Variants in ASRGL1 observed in about 807,000 individuals in gnomAD.
ASRGL1 encodes the protein isoaspartyl peptidase/L-asparaginase.
Under a neutral mutation model 22.4 loss-of-function variants are expected in ASRGL1, and 16 were observed. The ratio of observed to expected loss-of-function variants is 0.71; its 90% CI spans 0.48 to 1.08. ASRGL1 has a LOEUF of 1.08. Ranked by LOEUF, ASRGL1 falls within the 50% of genes least tolerant of loss-of-function variation. ASRGL1 has a pLI of 0.00. For synonymous variants in ASRGL1, 165 were observed against 159.3 expected (o/e 1.04, Z -0.27); for missense variants, 412 against 410.1 (o/e 1.00, Z -0.04).
chr11:62,348,807 G>A (rs1946098036), intron 2 of ASRGL1, among the ~76,000 whole-genome samples: 1 of 152,158 alleles, frequency 6.6e-6, no homozygotes, highest in African/African-American at 2.4e-5. Context: ...TCCAGGTGGA[G>A]CCATGCATGT....
chr11:62,398,468 A>C, the ASRGL1 span, among the ~76,000 whole-genome samples: 2 of 152,198 alleles, frequency 1.3e-5, no homozygotes, highest in African/African-American at 2.4e-5. Context: ...GAGGCCACTC[A>C]CACCAAATCC....
intron 4 of ASRGL1, among the ~76,000 whole-genome samples, chr11:62,362,542 AAATATAT>A (rs1946468485): frequency 4.2e-5 from 2 of 48,002 alleles, no homozygotes; most frequent in South Asian, 6.3e-4. Context: ...ATATTATATA[AAATATAT>A]AACATATATT....
At chr11:62,397,028 CT>C (rs1229811153), downstream of ASRGL1, among the ~76,000 whole-genome samples, 1 of 152,068 alleles carries the variant, frequency 6.6e-6, no homozygotes, top group Non-Finnish European at 1.5e-5. Context: ...TGTTATTAAA[CT>C]TTTTTGTTTG....
chr11:62,380,747 CCT>C (rs1330592389), intron 4 of ASRGL1, among the ~76,000 whole-genome samples: 2 of 152,050 alleles, frequency 1.3e-5, no homozygotes, highest in East Asian at 3.9e-4. Context: ...TGTTTTACTC[CCT>C]CTTTCATATC....
At chr11:62,372,136 T>G (rs1946788236) in intron 4 of ASRGL1, 1 of 843,742 alleles carries the variant, frequency 1.2e-6, no homozygotes, top group Admixed American at 1.8e-5. Context: ...GGAGCTGGGG[T>G]CGAAATGAGA....
At chr11:62,385,596 G>A (rs1248499795) in intron 4 of ASRGL1, among the ~76,000 whole-genome samples, 1 of 152,240 alleles carries the variant, frequency 6.6e-6, no homozygotes, top group Non-Finnish European at 1.5e-5. Context: ...CAGGCGTGGT[G>A]CCTCACGCCT....
intron 4 of ASRGL1, among the ~76,000 whole-genome samples, chr11:62,369,387 G>T (rs1379052311): frequency 1.3e-5 from 2 of 152,086 alleles, no homozygotes; most frequent in Non-Finnish European, 1.5e-5. Flanking sequence ...GAACAAAATG[G>T]AGTCTCTTAT....
chr11:62,378,366 A>G (rs1343788629), intron 4 of ASRGL1, among the ~76,000 whole-genome samples: 1 of 152,214 alleles, frequency 6.6e-6, no homozygotes, highest in African/African-American at 2.4e-5. Flanking sequence ...AGTGAATGAT[A>G]TAACAGTCTG....
downstream of ASRGL1, among the ~76,000 whole-genome samples, chr11:62,396,799 C>G (rs1318616916): frequency 6.6e-6 from 1 of 151,558 alleles, no homozygotes; most frequent in Non-Finnish European, 1.5e-5. Context: ...CACTGATCAT[C>G]TCAAGAGTTA....
intron 4 of ASRGL1, among the ~76,000 whole-genome samples, chr11:62,364,544 C>T (rs187324872): frequency 3.9e-5 from 6 of 152,286 alleles, no homozygotes; most frequent in Admixed American, 3.9e-4. Context: ...ATCTGCACTT[C>T]CATGTTCATT....
chr11:62,349,645 C>T (rs1946123681), intron 2 of ASRGL1, among the ~76,000 whole-genome samples: 1 of 152,086 alleles, frequency 6.6e-6, no homozygotes, highest in Non-Finnish European at 1.5e-5. Flanking sequence ...TGTTACCAGA[C>T]GGGTCCCGAT....
chr11:62,384,714 A>G (rs1442436206), intron 4 of ASRGL1, among the ~76,000 whole-genome samples: 2 of 141,266 alleles, frequency 1.4e-5, no homozygotes, highest in Non-Finnish European at 3.0e-5. Flanking sequence ...TCAGGAGTTG[A>G]AGACCACCCT....
chr11:62,351,487 T>TA (rs1287451328), intron 2 of ASRGL1, among the ~76,000 whole-genome samples: 5 of 151,918 alleles, frequency 3.3e-5, no homozygotes, highest in African/African-American at 1.2e-4. Context: ...CCGTCCCTAC[T>TA]AAAAATACAA....
chr11:62,349,328 T>C (rs1318928892), intron 2 of ASRGL1, among the ~76,000 whole-genome samples: 2 of 152,234 alleles, frequency 1.3e-5, no homozygotes, highest in East Asian at 3.8e-4. Context: ...TGTTATCCTT[T>C]TAACTATAGC....
intron 4 of ASRGL1, among the ~76,000 whole-genome samples, chr11:62,383,674 C>G (rs1455792631): frequency 2.7e-5 from 4 of 147,866 alleles, no homozygotes; most frequent in Admixed American, 1.4e-4. Context: ...GTAATCCCAG[C>G]ACTTTGGGAG....
intron 2 of ASRGL1, among the ~76,000 whole-genome samples, chr11:62,352,679 T>C (rs1244406762): frequency 6.6e-6 from 1 of 152,236 alleles, no homozygotes; most frequent in Non-Finnish European, 1.5e-5. Flanking sequence ...CCTTCATTCC[T>C]GAAGGATATT....
At chr11:62,357,181 A>G (rs1276327557) in intron 4 of ASRGL1, 37 bp downstream of exon 4, 6 of 1,588,626 alleles carry the variant, frequency 3.8e-6, no homozygotes, top group Admixed American at 3.8e-5. Context: ...TTTGGGAGTT[A>G]TTAAAATATG....
chr11:62,394,964 G>A (rs924130406), downstream of ASRGL1, among the ~76,000 whole-genome samples: 1 of 152,122 alleles, frequency 6.6e-6, no homozygotes, highest in Non-Finnish European at 1.5e-5. Context: ...TCTGAAAGGG[G>A]AAGACAATCT....
chr11:62,351,317 T>G (rs996418011), intron 2 of ASRGL1, among the ~76,000 whole-genome samples: 1 of 152,202 alleles, frequency 6.6e-6, no homozygotes, highest in Non-Finnish European at 1.5e-5. Context: ...TACCAATTTT[T>G]TCTCCTTTCT....
Sources: allele counts gnomAD v4.1 joint callset (sites outside exome capture counted in the v4.1 genomes callset), GRCh38; gene constraint gnomAD v4.1.1; transcripts MANE v1.5; gene names NCBI Gene and HGNC (gene_info 2026-07-23, HGNC 2026-07-21).